LCP1: variants seen among roughly 807,000 people sequenced by gnomAD.
LCP1 encodes lymphocyte cytosolic protein 1.
LCP1 carries 23 observed loss-of-function variants against 72.0 expected under a neutral mutation model. The observed-to-expected ratio is 0.32, with a 90% CI of 0.23 to 0.45. The LOEUF (loss-of-function observed/expected upper bound fraction) is 0.45. Ranked by LOEUF, LCP1 falls within the 20% of genes least tolerant of loss-of-function variation. The pLI is 1.00. For synonymous variants in LCP1, 245 were observed against 275.4 expected (o/e 0.89, Z 1.09); for missense variants, 571 against 748.3 (o/e 0.76, Z 2.76).
At chr13:46,158,081 T>C (rs1029319921) in intron 4 of LCP1, among the ~76,000 whole-genome samples, 1 of 152,228 alleles carries the variant, frequency 6.6e-6, no homozygotes, top group Non-Finnish European at 1.5e-5. Context: ...GTTTTGGAAA[T>C]GTTGCAACAA....
In LCP1 at chr13:46,165,335, C is replaced by T. The variant is rs2045870298; in HGVS notation, c.-24-5649G>A. Among the ~76,000 whole-genome samples the T allele has an allele frequency of 2.0e-5, 3 of 151,806 alleles. No homozygotes were observed. In the South Asian group the frequency reaches 6.2e-4, roughly 32 times the overall value. ...GTTGCAGTGAACTGAGATCATGCCACTGCACTCCAACCTGGGTGACAGAGC... is the reference window on the plus strand; with the variant it reads ...GTTGCAGTGAACTGAGATCATGCCATTGCACTCCAACCTGGGTGACAGAGC... On this transcript the variant is annotated intron_variant, in intron 1 of 15. Transcript: ENST00000323076.
In LCP1 at chr13:46,147,040, G is replaced by C; in HGVS notation, c.1042C>G (p.Gln348Glu). ...LQQAERLGCRQFVTATDVVRG... is the reference protein window; with the variant it reads ...LQQAERLGCREFVTATDVVRG... ...ACAACATCTGTGGCTGTGACAAACT[G>C]CCGGCAGCCCAGCCTCTCCGCCTGC... The change falls in exon 10 of 16, where the codon CAG (glutamine) becomes GAG (glutamate). Residue 348 changes from glutamine to glutamate, a missense_variant. By Grantham distance (29) the Gln-to-Glu change is conservative. Coordinates refer to ENST00000323076, the MANE Select transcript of LCP1 (RefSeq NM_002298.5). 1.2e-6 allele frequency: 2 copies of C among 1,613,436 alleles called. No homozygotes were observed. Among genetic ancestry groups the C allele is most frequent in the Middle Eastern group, 3.3e-4 (2 of 6,048 alleles).
intron 1 of LCP1, among the ~76,000 whole-genome samples, chr13:46,174,461 C>T (rs1181354868): frequency 2.0e-5 from 3 of 152,162 alleles, no homozygotes; most frequent in African/African-American, 7.2e-5. Context: ...ACCATAAAAT[C>T]CTCAAGCATT....
At chr13:46,129,426 C>G (rs1217007097) in intron 15 of LCP1, among the ~76,000 whole-genome samples, 2 of 152,080 alleles carry the variant, frequency 1.3e-5, no homozygotes, top group East Asian at 3.8e-4. Context: ...CATTCTTCCT[C>G]TCTCCTTCAC....
intron 1 of LCP1, among the ~76,000 whole-genome samples, chr13:46,164,926 T>C (rs1161694203): frequency 6.6e-6 from 1 of 152,180 alleles, no homozygotes; most frequent in East Asian, 1.9e-4. Context: ...AGGAAAAGGA[T>C]GGAGTTACCA....
intron 12 of LCP1, among the ~76,000 whole-genome samples, chr13:46,142,957 G>T (rs779348102): frequency 1.1e-4 from 17 of 152,184 alleles, no homozygotes; most frequent in Non-Finnish European, 1.8e-4. Context: ...AACAAGTCAA[G>T]CTGTCAGTAC....
At position 46,144,527 on chromosome 13, in the gene LCP1, G is replaced by T. The variant is rs1450267472; in HGVS notation, c.1175-7C>A. 1 of 1,606,092 alleles carries T rather than the reference G, an allele frequency of 6.2e-7. No homozygotes were observed. The highest frequency in any genetic ancestry group is 8.5e-7 in the Non-Finnish European group (1 of 1,172,836). ...CGCTCTTCTCTCGTCTCACCTAGAT[G>T]AATGAAGATGGGTTATCTTTTGGGA... On this transcript the variant is annotated splice_region_variant and splice_polypyrimidine_tract_variant and intron_variant, in intron 10 of 15. Coordinates refer to ENST00000323076, the MANE Select transcript of LCP1 (RefSeq NM_002298.5).
At chr13:46,172,078 A>G (rs2045907313) in intron 1 of LCP1, among the ~76,000 whole-genome samples, 1 of 152,270 alleles carries the variant, frequency 6.6e-6, no homozygotes, top group Non-Finnish European at 1.5e-5. Flanking sequence ...TCTGCCTGGG[A>G]AGGCAAAAGA....
chr13:46,163,957 G>A (rs1053911164), intron 1 of LCP1, among the ~76,000 whole-genome samples: 59 of 152,290 alleles, frequency 3.9e-4, no homozygotes, highest in Non-Finnish European at 7.4e-4. Context: ...AGACCTCTTG[G>A]TTCATAGGTG....
intron 13 of LCP1, among the ~76,000 whole-genome samples, chr13:46,139,812 T>C (rs1212562265): frequency 6.6e-6 from 1 of 152,244 alleles, no homozygotes; most frequent in Non-Finnish European, 1.5e-5. Flanking sequence ...CCTATACTTC[T>C]CACATTAGTC....
In LCP1 at chr13:46,179,667, C is replaced by T. The variant is rs573621964; in HGVS notation, c.-25+2444G>A. On this transcript the variant is annotated intron_variant, in intron 1 of 15. Coordinates refer to ENST00000323076, the MANE Select transcript of LCP1 (RefSeq NM_002298.5). ...ATAAAGAAGAATGCAATTAAAGAAA[C>T]AGTTGCAGTGAAAAAAGGTGAAAGA... is the stretch of plus-strand genomic sequence containing the variant. Among the ~76,000 whole-genome samples, 4 of 151,370 alleles carry T rather than the reference C, an allele frequency of 2.6e-5. No individual in the cohort carries two copies. The East Asian group carries it at 7.8e-4, about 29-fold the overall frequency.
chr13:46,174,892 A>G (rs2045921749), intron 1 of LCP1, among the ~76,000 whole-genome samples: 2 of 152,144 alleles, frequency 1.3e-5, no homozygotes, highest in Non-Finnish European at 1.5e-5. Context: ...TAATCATTCA[A>G]TAATCATGGA....
At chr13:46,142,472 T>C (rs756737342) in intron 12 of LCP1, 47 bp from the exon 13 acceptor site, 3 of 1,580,694 alleles carry the variant, frequency 1.9e-6, no homozygotes, top group South Asian at 2.3e-5. Flanking sequence ...ATCTTGATTA[T>C]GATAAATACC....
intron 1 of LCP1, among the ~76,000 whole-genome samples, chr13:46,163,651 A>C (rs78118403): frequency 6.6e-6 from 1 of 150,416 alleles, no homozygotes; most frequent in Non-Finnish European, 1.5e-5. Flanking sequence ...AAAAAAAAAA[A>C]ACAATGAGTT....
intron 1 of LCP1, among the ~76,000 whole-genome samples, chr13:46,163,299 T>C (rs1033862326): frequency 1.7e-4 from 26 of 152,346 alleles, no homozygotes; most frequent in African/African-American, 6.0e-4. Context: ...TAAGAAAAAT[T>C]CTTCTGCCTT....
At chr13:46,162,915 C>T (rs1481366795) in intron 1 of LCP1, among the ~76,000 whole-genome samples, 2 of 150,246 alleles carry the variant, frequency 1.3e-5, no homozygotes, top group Non-Finnish European at 2.9e-5. Context: ...CGGCAGCCGC[C>T]CTGTCTGAAA....
chr13:46,144,438 C>T lies in LCP1; in HGVS notation c.1253+4G>A, dbSNP rs749834689. The T allele has an allele frequency of 4.4e-6, 7 of 1,608,256 alleles. No homozygotes were observed. The East Asian group carries it at 1.3e-4, about 31-fold the overall frequency. Reference sequence around the variant, plus strand: ...CATTAGAATGAGTTCCCAAATATTCCTACCTGTACAAATGATTGACTCGAG... The same window carrying T: ...CATTAGAATGAGTTCCCAAATATTCTTACCTGTACAAATGATTGACTCGAG... On this transcript the variant is annotated splice_donor_region_variant and intron_variant, in intron 11 of 15. Coordinates refer to ENST00000323076, the MANE Select transcript of LCP1 (RefSeq NM_002298.5).
At chr13:46,154,461 C>A (rs372227562) in intron 6 of LCP1, among the ~76,000 whole-genome samples, 2 of 152,180 alleles carry the variant, frequency 1.3e-5, no homozygotes, top group Non-Finnish European at 2.9e-5. Flanking sequence ...TTCACCCCCT[C>A]GCTTCTTAGA....
At chr13:46,153,132 C>A in intron 6 of LCP1, 187 bp from the exon 7 acceptor site, 4 of 551,612 alleles carry the variant, frequency 7.3e-6, no homozygotes, top group Non-Finnish European at 1.3e-5. Context: ...GTAACCCAGA[C>A]ACCGACCACT....
Sources: allele counts gnomAD v4.1 joint callset (sites outside exome capture counted in the v4.1 genomes callset), GRCh38; gene constraint gnomAD v4.1.1; transcripts MANE v1.5; gene names NCBI Gene and HGNC (gene_info 2026-07-23, HGNC 2026-07-21).